The following DLGAP2 variants were observed in gnomAD, a reference collection of about 807,000 sequenced individuals.
DLGAP2 encodes DLG associated protein 2, also known as disks large-associated protein 2.
Under a neutral mutation model 100.3 loss-of-function variants are expected in DLGAP2, and 26 were observed. The ratio of observed to expected loss-of-function variants is 0.26; its 90% CI spans 0.19 to 0.36. DLGAP2 has a LOEUF of 0.36. DLGAP2 is among the 10% of genes least tolerant of loss of function. The pLI is 1.00. For missense variants in DLGAP2, 1,858 were observed against 1,453.2 expected, an observed-to-expected ratio of 1.28 and a Z score of -4.53; for synonymous variants, 886 against 630.1, an observed-to-expected ratio of 1.41 and a Z score of -6.08.
At chr8:1,370,569 A>G (rs966541926) in intron 3 of DLGAP2, among the ~76,000 whole-genome samples, 13 of 152,202 alleles carry the variant, frequency 8.5e-5, no homozygotes, top group African/African-American at 2.7e-4. Flanking sequence ...TGAAAAGTCA[A>G]TTTTACAAAA....
intron 1 of DLGAP2, among the ~76,000 whole-genome samples, chr8:780,711 T>C (rs1821659943): frequency 2.0e-5 from 3 of 152,208 alleles, no homozygotes; most frequent in Non-Finnish European, 4.4e-5. Flanking sequence ...CTTGTGGCAA[T>C]TTGGAAACTC....
chr8:1,578,108 G>A (rs1198981156), intron 6 of DLGAP2, among the ~76,000 whole-genome samples: 1 of 152,136 alleles, frequency 6.6e-6, no homozygotes, highest in Non-Finnish European at 1.5e-5. Context: ...TGCACTGAGT[G>A]TTTTTCTCTT....
intron 2 of DLGAP2, among the ~76,000 whole-genome samples, chr8:926,324 C>T (rs1345020185): frequency 6.6e-6 from 1 of 152,212 alleles, no homozygotes; most frequent in Non-Finnish European, 1.5e-5. Context: ...TCCCAGATCC[C>T]AGTGAGGGCT....
Position 941,712 on chromosome 8 carries a change from C to G in DLGAP2, c.73+33746C>G, listed in dbSNP as rs574469578. On this transcript the variant is annotated intron_variant, in intron 2 of 14. Coordinates refer to ENST00000637795, the MANE Select transcript of DLGAP2 (RefSeq NM_001346810.2). ...CCCCTCTATGTTATTATTCTTTGTG[C>G]GGCTTTCTTTGATTGGGATGAGCTC... Among the ~76,000 whole-genome samples the G allele has an allele frequency of 3.2e-4, 49 of 152,252 alleles. No homozygotes were observed. The South Asian group carries it at 9.1e-3, about 28-fold the overall frequency.
At chr8:1,495,591 T>C (rs1799521462) in intron 3 of DLGAP2, among the ~76,000 whole-genome samples, 1 of 152,172 alleles carries the variant, frequency 6.6e-6, no homozygotes, top group Non-Finnish European at 1.5e-5. Context: ...CAGTGGTGAT[T>C]GAAACGTTTG....
Position 812,739 on chromosome 8 carries a change from A to G in DLGAP2, c.18+74914A>G, listed in dbSNP as rs1489759089. ...ATAAGGACGGGGATAACAGATTAGC[A>G]ATCATACGGCATACAGGAGCTAAGT... On this transcript the variant is annotated intron_variant, in intron 1 of 14. Coordinates refer to ENST00000637795, the MANE Select transcript of DLGAP2 (RefSeq NM_001346810.2). 2.8e-4 allele frequency among the ~76,000 whole-genome samples: 42 copies of G among 152,216 alleles called. 1 individual carries two copies. Among genetic ancestry groups the G allele is most frequent in the Admixed American group, 2.7e-3 (42 of 15,282 alleles).
chr8:1,706,090 C>T lies in DLGAP2; in HGVS notation c.*4684C>T, dbSNP rs749316360. 10 of 152,176 alleles carry T rather than the reference C, an allele frequency of 6.6e-5. No individual in the cohort carries two copies. The highest frequency in any genetic ancestry group is 1.2e-4 in the Non-Finnish European group (8 of 68,038). 9.4% of individuals were successfully genotyped at this position (152,176 alleles called of 1,614,324 possible). On this transcript the variant is annotated 3_prime_UTR_variant, in exon 15 of 15. Coordinates refer to ENST00000637795, the MANE Select transcript of DLGAP2 (RefSeq NM_001346810.2). ...GTTGCAATACATTGTTGGCCATAAA[C>T]AAAGTGCTAAAGGAAAGGGTTTGCT... is the stretch of plus-strand genomic sequence containing the variant.
chr8:1,563,553 C>G (rs1031442974), intron 5 of DLGAP2, among the ~76,000 whole-genome samples: 1 of 150,532 alleles, frequency 6.6e-6, no homozygotes, highest in African/African-American at 2.5e-5. Context: ...TCCGGGTGTC[C>G]GCGCCTCGTT....
chr8:1,182,802 A>T (rs796743961), intron 2 of DLGAP2, among the ~76,000 whole-genome samples: 4 of 152,322 alleles, frequency 2.6e-5, no homozygotes, highest in African/African-American at 7.2e-5. Flanking sequence ...GGGAGAGTCC[A>T]CGGGTCGGCA....
At chr8:1,045,964 G>A (rs1802502496) in intron 2 of DLGAP2, among the ~76,000 whole-genome samples, 2 of 152,168 alleles carry the variant, frequency 1.3e-5, no homozygotes, top group South Asian at 4.2e-4. Context: ...TCAAAGTGAA[G>A]GGGGCAAGAG....
At chr8:1,618,068 T>C (rs1033203226) in intron 6 of DLGAP2, among the ~76,000 whole-genome samples, 2 of 152,118 alleles carry the variant, frequency 1.3e-5, no homozygotes, top group African/African-American at 4.8e-5. Context: ...GACTCTCAGC[T>C]CCTCTACTTA....
At chr8:759,518 C>T (rs1821024595) in intron 1 of DLGAP2, among the ~76,000 whole-genome samples, 1 of 151,744 alleles carries the variant, frequency 6.6e-6, no homozygotes, top group Admixed American at 6.6e-5. Context: ...TCCTGGGCTG[C>T]ACATTCCTGG....
At chr8:1,515,439 C>A (rs959012787) in intron 4 of DLGAP2, among the ~76,000 whole-genome samples, 1 of 104,594 alleles carries the variant, frequency 9.6e-6, no homozygotes, top group Non-Finnish European at 2.1e-5. Context: ...GACACATGCA[C>A]ACACACGTGC....
chr8:1,482,141 C>T (rs981899292), intron 3 of DLGAP2, among the ~76,000 whole-genome samples: 14 of 152,230 alleles, frequency 9.2e-5, no homozygotes, highest in Admixed American at 9.2e-4. Context: ...ACATGACGGT[C>T]TGGGAGGAAT....
chr8:1,163,680 T>C (rs1165180612), intron 2 of DLGAP2, among the ~76,000 whole-genome samples: 1 of 152,158 alleles, frequency 6.6e-6, no homozygotes. Context: ...GAGAAAACGC[T>C]TCAGGAGCTG....
intron 2 of DLGAP2, among the ~76,000 whole-genome samples, chr8:928,081 C>T (rs1019417463): frequency 1.3e-5 from 2 of 152,190 alleles, no homozygotes; most frequent in African/African-American, 4.8e-5. Flanking sequence ...GTCTCATGGT[C>T]TTTGTGGCAG....
intron 2 of DLGAP2, among the ~76,000 whole-genome samples, chr8:1,191,622 C>T (rs79391994): frequency 6.6e-6 from 1 of 151,502 alleles, no homozygotes; most frequent in Non-Finnish European, 1.5e-5. Flanking sequence ...CGCGCCGTAT[C>T]TGGGTCCGTT....
intron 3 of DLGAP2, among the ~76,000 whole-genome samples, chr8:1,282,928 A>G (rs112747490): frequency 4.4e-5 from 5 of 113,734 alleles, no homozygotes; most frequent in African/African-American, 1.3e-4. Flanking sequence ...TGAACCATCC[A>G]GACATGGTGT....
At chr8:1,384,679 C>T (rs1305609516) in intron 3 of DLGAP2, among the ~76,000 whole-genome samples, 2 of 101,950 alleles carry the variant, frequency 2.0e-5, no homozygotes, top group Non-Finnish European at 3.8e-5. Flanking sequence ...GGCCTGTGCC[C>T]GTCCCCTGAG....
Sources: allele counts gnomAD v4.1 joint callset (sites outside exome capture counted in the v4.1 genomes callset), GRCh38; gene constraint gnomAD v4.1.1; transcripts MANE v1.5; gene names NCBI Gene and HGNC (gene_info 2026-07-23, HGNC 2026-07-21).